Variants in RPH3A observed in about 807,000 individuals in gnomAD.
RPH3A encodes the protein rabphilin 3A.
Under a neutral mutation model 102.2 loss-of-function variants are expected in RPH3A, and 48 were observed. The ratio of observed to expected loss-of-function variants is 0.47; its 90% CI spans 0.37 to 0.60. The LOEUF (loss-of-function observed/expected upper bound fraction) is 0.60. Ranked by LOEUF, RPH3A falls within the 20% of genes least tolerant of loss-of-function variation. RPH3A has a pLI of 0.00. For synonymous variants in RPH3A, 310 were observed against 324.3 expected (o/e 0.96, Z 0.47); for missense variants, 781 against 910.1 (o/e 0.86, Z 1.83).
chr12:112,657,694 T>A (rs1171209492), intron 1 of RPH3A, among the ~76,000 whole-genome samples: 5 of 152,144 alleles, frequency 3.3e-5, no homozygotes, highest in Non-Finnish European at 7.4e-5. Flanking sequence ...GTGATTGTAT[T>A]ATGATAATTA....
intron 1 of RPH3A, among the ~76,000 whole-genome samples, chr12:112,679,618 G>C (rs1406115621): frequency 6.6e-6 from 1 of 152,148 alleles, no homozygotes; most frequent in Non-Finnish European, 1.5e-5. Flanking sequence ...TATAAATGGG[G>C]TTTCACCATT....
intron 1 of RPH3A, chr12:112,651,673 T>C (rs1196355843): frequency 6.6e-6 from 1 of 152,182 alleles, no homozygotes; most frequent in Non-Finnish European, 1.5e-5. Flanking sequence ...GTTCAACCAT[T>C]ACTACTGTCC....
At chr12:112,744,162 G>T (rs2040728259) in intron 1 of RPH3A, among the ~76,000 whole-genome samples, 1 of 152,012 alleles carries the variant, frequency 6.6e-6, no homozygotes, top group Non-Finnish European at 1.5e-5. Flanking sequence ...TGAAACCTCT[G>T]TCTCCCAGGT....
At chr12:112,783,148 A>G (rs2041020334) in intron 1 of RPH3A, among the ~76,000 whole-genome samples, 1 of 152,110 alleles carries the variant, frequency 6.6e-6, no homozygotes, top group African/African-American at 2.4e-5. Flanking sequence ...TCGTCTCTCC[A>G]TTCTTCAAGC....
intron 1 of RPH3A, among the ~76,000 whole-genome samples, chr12:112,669,849 T>C (rs1267235172): frequency 1.3e-5 from 2 of 152,236 alleles, no homozygotes; most frequent in Non-Finnish European, 2.9e-5. Context: ...TAGCATAATT[T>C]TTTTCAAATG....
At chr12:112,895,589 CAG>C (rs1565949983) in intron 20 of RPH3A, 186 bp from the exon 21 acceptor site, 1 of 548,696 alleles carries the variant, frequency 1.8e-6, no homozygotes, top group African/African-American at 1.9e-5. Flanking sequence ...CTTTGTTACA[CAG>C]AGTGTTTGTT....
At chr12:112,724,777 T>G (rs1418481786) in intron 1 of RPH3A, among the ~76,000 whole-genome samples, 2 of 152,184 alleles carry the variant, frequency 1.3e-5, no homozygotes, top group Non-Finnish European at 2.9e-5. Context: ...AAGACCAGCC[T>G]GGACAATATG....
At position 112,656,926 on chromosome 12, in the gene RPH3A, C is replaced by A. The variant is rs528452605; in HGVS notation, c.-140+81607C>A. Among the ~76,000 whole-genome samples the A allele has an allele frequency of 2.0e-5, 3 of 151,922 alleles. No homozygotes were observed. The South Asian group carries it at 6.2e-4, about 32-fold the overall frequency. ...GTGATAAACATATGAGTGAATGTGT[C>A]TTTTTTATATAATAATTTATTTTTT... On this transcript the variant is annotated intron_variant, in intron 1 of 21. Coordinates refer to the RPH3A transcript ENST00000543106.
intron 1 of RPH3A, among the ~76,000 whole-genome samples, chr12:112,740,923 A>G (rs1326072137): frequency 6.6e-6 from 1 of 152,094 alleles, no homozygotes; most frequent in African/African-American, 2.4e-5. Flanking sequence ...CATTTCATGT[A>G]TTGTAGGATG....
intron 1 of RPH3A, among the ~76,000 whole-genome samples, chr12:112,657,324 G>T (rs1371876461): frequency 6.6e-6 from 1 of 151,384 alleles, no homozygotes; most frequent in East Asian, 1.9e-4. Flanking sequence ...TGAGTTTCTT[G>T]TAGATTCTGG....
At chr12:112,612,044 G>A (rs1472178799) in intron 1 of RPH3A, among the ~76,000 whole-genome samples, 2 of 152,056 alleles carry the variant, frequency 1.3e-5, no homozygotes, top group African/African-American at 2.4e-5. Flanking sequence ...AATGAAATCC[G>A]GGCTATAAAG....
chr12:112,881,130 C>G (rs2042902008), intron 14 of RPH3A, among the ~76,000 whole-genome samples: 2 of 152,178 alleles, frequency 1.3e-5, no homozygotes, highest in Non-Finnish European at 2.9e-5. Context: ...GGTGGGACAT[C>G]TGCCTGGTCT....
chr12:112,680,272 A>G (rs1235654037), intron 1 of RPH3A, among the ~76,000 whole-genome samples: 1 of 152,192 alleles, frequency 6.6e-6, no homozygotes, highest in Admixed American at 6.5e-5. Context: ...TTGGGTCCCA[A>G]AAGATCACTG....
chr12:112,659,736 G>A (rs1257241277), intron 1 of RPH3A, among the ~76,000 whole-genome samples: 1 of 152,030 alleles, frequency 6.6e-6, no homozygotes, highest in Non-Finnish European at 1.5e-5. Context: ...TCACTGTATG[G>A]ACTCATTGTT....
chr12:112,770,933 A>C (rs1179504196), intron 1 of RPH3A, among the ~76,000 whole-genome samples: 1 of 152,140 alleles, frequency 6.6e-6, no homozygotes, highest in Non-Finnish European at 1.5e-5. Context: ...GATTATTTTG[A>C]TTTCAAATAA....
chr12:112,678,774 T>C (rs1566255640), intron 1 of RPH3A, among the ~76,000 whole-genome samples: 1 of 152,180 alleles, frequency 6.6e-6, no homozygotes, highest in South Asian at 2.1e-4. Flanking sequence ...GGACACAGCA[T>C]CGTCATAGCA....
chr12:112,875,578 C>T (rs367727029), intron 11 of RPH3A, 101 bp from the exon 12 acceptor site: 38 of 995,142 alleles, frequency 3.8e-5, no homozygotes, highest in African/African-American at 9.7e-5. Context: ...TTTCTGCCTT[C>T]GGGCCTGTGT....
At chr12:112,802,970 G>A (rs934728469) in intron 2 of RPH3A, among the ~76,000 whole-genome samples, 9 of 152,224 alleles carry the variant, frequency 5.9e-5, no homozygotes, top group Admixed American at 2.0e-4. Flanking sequence ...AAGCTCCAGC[G>A]GCTGGAAGTG....
chr12:112,757,009 G>A (rs1049076288), intron 1 of RPH3A, among the ~76,000 whole-genome samples: 2 of 152,108 alleles, frequency 1.3e-5, no homozygotes, highest in African/African-American at 2.4e-5. Flanking sequence ...TTTCAAATGC[G>A]TACGAGCCAT....
Sources: gnomAD v4.1 joint callset for allele counts (sites outside exome capture counted in the v4.1 genomes callset) on GRCh38, gnomAD v4.1.1 for gene constraint, MANE v1.5 for transcripts, NCBI Gene and HGNC (gene_info 2026-07-23, HGNC 2026-07-21) for gene names.